Variants in LOC128462377 observed in about 807,000 individuals in gnomAD.
At chr16:89,354,257 A>AG in the LOC128462377 span, among the ~76,000 whole-genome samples, 1 of 152,088 alleles carries the variant, frequency 6.6e-6, no homozygotes. Context: ...AAAAAAAAAA[A>AG]AAAGAAAACT....
At chr16:89,399,609 C>T in the LOC128462377 span, among the ~76,000 whole-genome samples, 1 of 152,078 alleles carries the variant, frequency 6.6e-6, no homozygotes, top group African/African-American at 2.4e-5. Flanking sequence ...TACGTTCATC[C>T]AACCATAGAC....
At chr16:89,365,245 C>T in the LOC128462377 span, among the ~76,000 whole-genome samples, 1 of 152,168 alleles carries the variant, frequency 6.6e-6, no homozygotes, top group Non-Finnish European at 1.5e-5. Context: ...TTGTAGAAAA[C>T]CTCAGATTCT....
chr16:89,364,415 T>G, the LOC128462377 span, among the ~76,000 whole-genome samples: 5 of 152,244 alleles, frequency 3.3e-5, no homozygotes, highest in Non-Finnish European at 7.3e-5. Context: ...CACATCCTAC[T>G]CACGGTAAGA....
chr16:89,371,721 T>C, the LOC128462377 span, among the ~76,000 whole-genome samples: 1 of 151,944 alleles, frequency 6.6e-6, no homozygotes, highest in Non-Finnish European at 1.5e-5. Flanking sequence ...GTCTCGGGTG[T>C]GGAGGGCGAT....
At chr16:89,397,290 C>T in the LOC128462377 span, among the ~76,000 whole-genome samples, 2 of 152,218 alleles carry the variant, frequency 1.3e-5, no homozygotes, top group African/African-American at 4.8e-5. Context: ...CCAAGAACCC[C>T]CTCAGGGCAA....
At chr16:89,332,478 C>A in the LOC128462377 span, among the ~76,000 whole-genome samples, 1 of 152,220 alleles carries the variant, frequency 6.6e-6, no homozygotes, top group African/African-American at 2.4e-5. Context: ...AGAAATGACA[C>A]CTGCAGGCCA....
chr16:89,355,045 AC>A, the LOC128462377 span, among the ~76,000 whole-genome samples: 303 of 152,208 alleles, frequency 2.0e-3, 3 homozygotes, highest in African/African-American at 6.7e-3. Flanking sequence ...AAACGCCAGA[AC>A]AACATGTTTG....
the LOC128462377 span, among the ~76,000 whole-genome samples, chr16:89,336,096 T>G: frequency 2.0e-5 from 3 of 152,246 alleles, no homozygotes; most frequent in Non-Finnish European, 2.9e-5. Context: ...ACTGTTAATT[T>G]GCTGATCGTT....
At chr16:89,334,155 A>AC in the LOC128462377 span, among the ~76,000 whole-genome samples, 2 of 137,408 alleles carry the variant, frequency 1.5e-5, no homozygotes, top group African/African-American at 2.7e-5. Context: ...AAAAAAAAAA[A>AC]AAAAAAAAAA....
the LOC128462377 span, chr16:89,323,417 CTG>C: frequency 4.9e-5 from 55 of 1,116,196 alleles, 2 homozygotes; most frequent in African/African-American, 8.7e-4. Context: ...GGCAGGGGGG[CTG>C]AGCCGAGGGC....
At chr16:89,411,689 C>T in the LOC128462377 span, among the ~76,000 whole-genome samples, 3 of 152,204 alleles carry the variant, frequency 2.0e-5, no homozygotes, top group East Asian at 1.9e-4. Flanking sequence ...GCTGGGATTA[C>T]GGCCAGTTTA....
At chr16:89,385,076 A>C in the LOC128462377 span, among the ~76,000 whole-genome samples, 1 of 151,248 alleles carries the variant, frequency 6.6e-6, no homozygotes, top group Non-Finnish European at 1.5e-5. Context: ...AGTAGAGACG[A>C]TATTTCACCA....
At chr16:89,394,878 G>A in the LOC128462377 span, among the ~76,000 whole-genome samples, 2 of 152,290 alleles carry the variant, frequency 1.3e-5, no homozygotes, top group East Asian at 1.9e-4. Flanking sequence ...CAGGTTGGCT[G>A]TAGCACTGTT....
At chr16:89,354,648 G>A in the LOC128462377 span, among the ~76,000 whole-genome samples, 1 of 152,216 alleles carries the variant, frequency 6.6e-6, no homozygotes, top group Non-Finnish European at 1.5e-5. Context: ...TTGGGAGGCC[G>A]AGGCAGGTGA....
chr16:89,361,140 C>T, the LOC128462377 span, among the ~76,000 whole-genome samples: 11 of 152,320 alleles, frequency 7.2e-5, no homozygotes, highest in South Asian at 8.3e-4. Flanking sequence ...TGGCTAGGCC[C>T]GTACTTCTTC....
chr16:89,363,620 C>T, the LOC128462377 span, among the ~76,000 whole-genome samples: 1 of 152,102 alleles, frequency 6.6e-6, no homozygotes, highest in Non-Finnish European at 1.5e-5. Flanking sequence ...AATTCAAACG[C>T]ACTCTGTGTG....
chr16:89,397,634 C>G, the LOC128462377 span, among the ~76,000 whole-genome samples: 1 of 152,230 alleles, frequency 6.6e-6, no homozygotes, highest in Non-Finnish European at 1.5e-5. Flanking sequence ...TAAACTTTCC[C>G]TTTTCACTCA....
the LOC128462377 span, among the ~76,000 whole-genome samples, chr16:89,334,372 C>CTG: frequency 5.3e-5 from 8 of 151,982 alleles, no homozygotes; most frequent in African/African-American, 1.7e-4. Flanking sequence ...TGAACAGAAA[C>CTG]AACCTCCTCT....
the LOC128462377 span, among the ~76,000 whole-genome samples, chr16:89,359,972 G>T: frequency 2.6e-5 from 4 of 152,004 alleles, no homozygotes; most frequent in Admixed American, 2.0e-4. Flanking sequence ...CAGTGGGCGG[G>T]GGGGGAGGTT....
Sources: allele counts gnomAD v4.1 joint callset (sites outside exome capture counted in the v4.1 genomes callset), GRCh38; gene constraint gnomAD v4.1.1; transcripts MANE v1.5.